SH3RF2: variants seen among roughly 807,000 people sequenced by gnomAD.
SH3RF2 encodes the protein E3 ubiquitin-protein ligase SH3RF2.
A neutral mutation model predicts 59.0 loss-of-function variants in SH3RF2; 43 were observed. The ratio of observed to expected loss-of-function variants is 0.73; its 90% CI spans 0.57 to 0.94. The LOEUF is 0.94. Among genes scored for constraint, SH3RF2 ranks in the 40% least tolerant of loss-of-function variants. The pLI, the probability that SH3RF2 is intolerant of heterozygous loss-of-function variation, is 0.00. For synonymous variants in SH3RF2, 391 were observed against 391.5 expected, an observed-to-expected ratio of 1.00 and a Z score of 0.01; for missense variants, 930 against 940.1, an observed-to-expected ratio of 0.99 and a Z score of 0.14.
chr5:145,963,842 T>C (rs1306371109), intron 2 of SH3RF2, among the ~76,000 whole-genome samples: 1 of 151,046 alleles, frequency 6.6e-6, no homozygotes, highest in Non-Finnish European at 1.5e-5. Flanking sequence ...TTTTTTTTTT[T>C]TCTTTTTTGA....
chr5:146,007,760 T>A (rs1021286178), intron 4 of SH3RF2, among the ~76,000 whole-genome samples: 1 of 152,214 alleles, frequency 6.6e-6, no homozygotes, highest in African/African-American at 2.4e-5. Flanking sequence ...AACTAGCCAG[T>A]GCTTCATTTG....
chr5:145,988,941 T>A (rs1053294229), intron 2 of SH3RF2, among the ~76,000 whole-genome samples: 1 of 152,124 alleles, frequency 6.6e-6, no homozygotes, highest in African/African-American at 2.4e-5. Flanking sequence ...TCCAAAAAGA[T>A]TATCACTATG....
In SH3RF2 at chr5:146,000,021, A is replaced by C. The variant is rs749992846; in HGVS notation, c.379-37A>C. ...GTATCTTCTGTTCCTCTAGACTCTA[A>C]GCTAAGTACATATCTTATTGGTCTG... On this transcript the variant is annotated intron_variant, in intron 2 of 9. Transcript: ENST00000359120. 2.4e-5 allele frequency: 39 copies of C among 1,597,298 alleles called. No individual in the cohort carries two copies. The Middle Eastern group carries it at 6.6e-4, about 27-fold the overall frequency.
intron 2 of SH3RF2, among the ~76,000 whole-genome samples, chr5:145,942,085 G>A (rs1465042858): frequency 1.1e-4 from 16 of 152,058 alleles, no homozygotes; most frequent in Admixed American, 9.8e-4. Context: ...TGCTGGCTTC[G>A]CAGCTCACTT....
At chr5:146,047,041 G>C (rs1459634372) in intron 5 of SH3RF2, among the ~76,000 whole-genome samples, 1 of 152,156 alleles carries the variant, frequency 6.6e-6, no homozygotes, top group African/African-American at 2.4e-5. Context: ...ATAGGCATGA[G>C]GCACTGAGCC....
intron 4 of SH3RF2, 94 bp from the exon 5 acceptor site, chr5:146,013,653 C>A: frequency 7.3e-7 from 1 of 1,371,080 alleles, no homozygotes; most frequent in Non-Finnish European, 1.0e-6. Context: ...GAGGAGGTGG[C>A]ACCTGACCTG....
chr5:145,943,071 A>G (rs947469449), intron 2 of SH3RF2, among the ~76,000 whole-genome samples: 2 of 151,634 alleles, frequency 1.3e-5, no homozygotes, highest in Admixed American at 6.6e-5. Context: ...TGATATACAT[A>G]TATATAATAT....
chr5:145,972,200 T>C (rs1759110410), intron 2 of SH3RF2, among the ~76,000 whole-genome samples: 1 of 152,004 alleles, frequency 6.6e-6, no homozygotes, highest in Non-Finnish European at 1.5e-5. Context: ...CAGCATTAAT[T>C]CATCTGGAAA....
At chr5:145,977,756 G>A (rs1469139079) in intron 2 of SH3RF2, among the ~76,000 whole-genome samples, 1 of 152,232 alleles carries the variant, frequency 6.6e-6, no homozygotes, top group East Asian at 1.9e-4. Context: ...CCAAGAAGCA[G>A]CTTGAGATAG....
In SH3RF2 at chr5:146,049,141, C is replaced by T. The variant is rs545908874; in HGVS notation, c.1218C>T (p.Gly406=). The T allele has an allele frequency of 2.2e-5, 35 of 1,614,124 alleles. No individual in the cohort carries two copies. The highest frequency in any genetic ancestry group is 9.9e-5 in the South Asian group (9 of 91,082). The change falls in exon 7 of 10, where the codon GGC becomes GGT. Residue 406 remains glycine, a synonymous_variant. Transcript: ENST00000359120. ...PDELDLQKGE[G]VRVLGKCQDG... is the part of the protein sequence containing the mutation. ...AGCTGGACCTGCAAAAGGGAGAAGG[C>T]GTCAGGGTCCTGGGGAAGTGCCAGG...
At chr5:145,978,220 T>C (rs1453841607) in intron 2 of SH3RF2, among the ~76,000 whole-genome samples, 1 of 152,170 alleles carries the variant, frequency 6.6e-6, no homozygotes, top group Admixed American at 6.5e-5. Context: ...AAGCCCTTGG[T>C]ACATTTTAAG....
chr5:145,980,236 C>T (rs752412394), intron 2 of SH3RF2, among the ~76,000 whole-genome samples: 5 of 152,214 alleles, frequency 3.3e-5, no homozygotes, highest in Non-Finnish European at 7.3e-5. Flanking sequence ...TTGACACCCA[C>T]ACGTAACGAG....
chr5:145,998,896 C>T (rs1235600769), intron 2 of SH3RF2, among the ~76,000 whole-genome samples: 2 of 152,118 alleles, frequency 1.3e-5, no homozygotes, highest in Admixed American at 1.3e-4. Context: ...GGCAACAGAG[C>T]AAGACTCCAT....
chr5:146,047,888 C>T, intron 6 of SH3RF2, 25 bp downstream of exon 6: 1 of 1,608,714 alleles, frequency 6.2e-7, no homozygotes, highest in Non-Finnish European at 8.5e-7. Context: ...CATCCCTTCA[C>T]CCAAGTCCTG....
chr5:145,940,088 A>G lies in SH3RF2; in HGVS notation c.378+1782A>G, dbSNP rs1421836552. Among the ~76,000 whole-genome samples the G allele has an allele frequency of 5.3e-4, 81 of 152,336 alleles. 1 individual carries two copies. Among genetic ancestry groups the G allele is most frequent in the Non-Finnish European group, 5.9e-5 (4 of 68,028 alleles). On this transcript the variant is annotated intron_variant, in intron 2 of 9. Coordinates refer to ENST00000359120, the MANE Select transcript of SH3RF2 (RefSeq NM_152550.4). Reference sequence around the variant, plus strand: ...AGCTGGTTGTACATAAGAGACAGCCATTAAGATACTGGGTCTCTCTGGAAT... The same window carrying G: ...AGCTGGTTGTACATAAGAGACAGCCGTTAAGATACTGGGTCTCTCTGGAAT...
At chr5:145,981,370 A>G (rs1187898173) in intron 2 of SH3RF2, among the ~76,000 whole-genome samples, 6 of 152,116 alleles carry the variant, frequency 3.9e-5, no homozygotes, top group Non-Finnish European at 7.3e-5. Flanking sequence ...AAGTACTGGA[A>G]TTGCAGGCAT....
intron 9 of SH3RF2, among the ~76,000 whole-genome samples, chr5:146,071,789 T>A (rs1431941574): frequency 6.6e-6 from 1 of 152,232 alleles, no homozygotes; most frequent in African/African-American, 2.4e-5. Context: ...AGACCTCGTT[T>A]TCTCATTTGT....
chr5:146,048,967 G>A, intron 6 of SH3RF2, 108 bp from the exon 7 acceptor site: 1 of 1,339,370 alleles, frequency 7.5e-7, no homozygotes, highest in South Asian at 1.3e-5. Context: ...GACCAAGAAG[G>A]TTCTTATTGC....
chr5:145,968,510 A>G (rs1017694638), intron 2 of SH3RF2, among the ~76,000 whole-genome samples: 1 of 152,100 alleles, frequency 6.6e-6, no homozygotes, highest in Non-Finnish European at 1.5e-5. Flanking sequence ...GGGTTTATAT[A>G]TGCATAGAAA....
Sources: allele counts gnomAD v4.1 joint callset (sites outside exome capture counted in the v4.1 genomes callset), GRCh38; gene constraint gnomAD v4.1.1; transcripts MANE v1.5; gene names NCBI Gene and HGNC (gene_info 2026-07-23, HGNC 2026-07-21).